Variants in TMOD1 observed in about 807,000 individuals in gnomAD.
The protein encoded by TMOD1 is tropomodulin 1.
TMOD1 carries 17 observed loss-of-function variants against 40.6 expected under a neutral mutation model. That is an observed-to-expected ratio of 0.42 (90% CI 0.29 to 0.63). The LOEUF (loss-of-function observed/expected upper bound fraction) is 0.63, where lower values mean the gene tolerates loss of function less well. TMOD1 is among the 20% of genes least tolerant of loss of function. The pLI is 0.22. For missense variants in TMOD1, 391 were observed against 447.6 expected, an observed-to-expected ratio of 0.87 and a Z score of 1.14; for synonymous variants, 181 against 175.0, an observed-to-expected ratio of 1.03 and a Z score of -0.27.
intron 5 of TMOD1, 24 bp downstream of exon 5, chr9:97,562,845 A>AG (rs781310155): frequency 1.3e-6 from 2 of 1,560,810 alleles, no homozygotes; most frequent in Non-Finnish European, 1.7e-6. Flanking sequence ...CGCCCCCAGG[A>AG]GGGACCTCAT....
chr9:97,531,045 C>CG (rs1168372435), intron 2 of TMOD1, among the ~76,000 whole-genome samples: 2 of 139,818 alleles, frequency 1.4e-5, no homozygotes, highest in East Asian at 4.2e-4. Context: ...CCACCCCCCC[C>CG]ACCACCCCTT....
Position 97,600,718 on chromosome 9 carries a change from G to A in TMOD1, c.*1020G>A. 1 of 1,005,732 alleles carries A rather than the reference G, an allele frequency of 9.9e-7. No homozygotes were observed. The highest frequency in any genetic ancestry group is 1.2e-6 in the Non-Finnish European group (1 of 842,202). 62.3% of individuals were successfully genotyped at this position (1,005,732 alleles called of 1,614,324 possible). A position where few individuals can be genotyped will look rare whatever the true frequency, so the allele number is the denominator to read the frequency against. On this transcript the variant is annotated 3_prime_UTR_variant, in exon 10 of 10. Coordinates refer to ENST00000259365, the MANE Select transcript of TMOD1 (RefSeq NM_003275.4). ...CCTCCGCAGGATGCCGGACAATGGT[G>A]AAGAAACTCCAGATATCAAGGAATT... is the stretch of plus-strand genomic sequence containing the variant.
intron 1 of TMOD1, among the ~76,000 whole-genome samples, chr9:97,518,279 G>T (rs974889468): frequency 3.4e-5 from 5 of 146,836 alleles, no homozygotes; most frequent in Non-Finnish European, 7.6e-5. Context: ...TAGACACTGC[G>T]AAGAAAAAAA....
Position 97,515,671 on chromosome 9 carries a change from C to T in TMOD1, c.-48-8470C>T, listed in dbSNP as rs78288193. On this transcript the variant is annotated intron_variant, in intron 1 of 9. Coordinates refer to ENST00000259365, the MANE Select transcript of TMOD1 (RefSeq NM_003275.4). ...GCACTGAACCCAGCAAATTACGTAG[C>T]CAGTCCTGCCTGGGTGCATCTTTCA... Among the ~76,000 whole-genome samples, 888 of 152,252 alleles carry T rather than the reference C, an allele frequency of 5.8e-3. 14 individuals are homozygous for T. The highest frequency in any genetic ancestry group is 0.021 in the African/African-American group (854 of 41,552).
At chr9:97,569,656 A>G (rs1056867862) in intron 8 of TMOD1, among the ~76,000 whole-genome samples, 1 of 152,202 alleles carries the variant, frequency 6.6e-6, no homozygotes, top group African/African-American at 2.4e-5. Flanking sequence ...AACATCTTAC[A>G]TGTTACATGT....
chr9:97,554,528 A>C (rs970703729), intron 4 of TMOD1, among the ~76,000 whole-genome samples: 3 of 149,458 alleles, frequency 2.0e-5, no homozygotes, highest in Admixed American at 2.0e-4. Flanking sequence ...TGGCCCTTGT[A>C]GAAGCCTTTG....
In TMOD1 at chr9:97,568,840, C is replaced by T. The variant is rs569590716; in HGVS notation, c.727-54C>T. ...TCTTAGGATCTACCCAGAGGGGCCT[C>T]CAGCCTTGCTCGGGGTGACTCATGG... On this transcript the variant is annotated intron_variant, in intron 7 of 9. Transcript: ENST00000259365. The T allele has an allele frequency of 3.9e-5, 62 of 1,604,656 alleles. No individual in the cohort carries two copies. The African/African-American group carries it at 5.5e-4, about 14-fold the overall frequency.
At chr9:97,545,231 TTCCTTGGGCAAA>T (rs1830342832) in intron 2 of TMOD1, among the ~76,000 whole-genome samples, 1 of 152,200 alleles carries the variant, frequency 6.6e-6, no homozygotes, top group African/African-American at 2.4e-5. Context: ...TGTCCTGAAA[TTCCTTGGGCAAA>T]TCTTTCCTTG....
chr9:97,544,997 C>T (rs1474370540), intron 2 of TMOD1, among the ~76,000 whole-genome samples: 8 of 137,270 alleles, frequency 5.8e-5, no homozygotes, highest in Admixed American at 3.1e-4. Flanking sequence ...TGCAACAGAG[C>T]GAGAGTCCAT....
chr9:97,569,768 G>A (rs2131270828), intron 8 of TMOD1, among the ~76,000 whole-genome samples: 1 of 152,100 alleles, frequency 6.6e-6, no homozygotes, highest in South Asian at 2.1e-4. Flanking sequence ...ATCAGTCTCA[G>A]TTTTCAGAAA....
At chr9:97,508,146 A>G (rs1230993774) in intron 1 of TMOD1, among the ~76,000 whole-genome samples, 3 of 151,244 alleles carry the variant, frequency 2.0e-5, no homozygotes, top group East Asian at 3.9e-4. Context: ...TCCAAGGTCT[A>G]CTAGTTACTG....
At chr9:97,579,235 T>C (rs1010861503) in intron 8 of TMOD1, among the ~76,000 whole-genome samples, 1 of 152,226 alleles carries the variant, frequency 6.6e-6, no homozygotes, top group Non-Finnish European at 1.5e-5. Flanking sequence ...TCCATTTGGA[T>C]GCTGGGCTGA....
At chr9:97,505,519 C>T (rs1829577624) in intron 1 of TMOD1, among the ~76,000 whole-genome samples, 2 of 152,168 alleles carry the variant, frequency 1.3e-5, no homozygotes, top group East Asian at 1.9e-4. Flanking sequence ...CTCTGGGCAT[C>T]CTTCAGCCTC....
At chr9:97,597,778 T>C (rs1826146533) in intron 9 of TMOD1, among the ~76,000 whole-genome samples, 1 of 147,938 alleles carries the variant, frequency 6.8e-6, no homozygotes, top group African/African-American at 2.5e-5. Flanking sequence ...GTGGACACAA[T>C]GAGGGCAAGT....
chr9:97,535,851 C>G (rs1198760270), intron 2 of TMOD1, among the ~76,000 whole-genome samples: 1 of 152,224 alleles, frequency 6.6e-6, no homozygotes, highest in East Asian at 1.9e-4. Context: ...GTTTCACCAG[C>G]CCTGCATCAA....
intron 4 of TMOD1, among the ~76,000 whole-genome samples, chr9:97,553,971 C>T (rs1454463629): frequency 1.3e-5 from 2 of 152,124 alleles, no homozygotes; most frequent in African/African-American, 4.8e-5. Context: ...GCCCTTTGCC[C>T]CACTCCCTGC....
rs77176644 is a variant in TMOD1, at chr9:97,519,199, C to G, written c.-48-4942C>G. On this transcript the variant is annotated intron_variant, in intron 1 of 9. Coordinates refer to ENST00000259365, the MANE Select transcript of TMOD1 (RefSeq NM_003275.4). Reference sequence around the variant, plus strand: ...AAAAGAGCCTTGTGTACTCCAGGAGCTGCTCCTTCTCAGAGCTTTCATTTC... The same window carrying G: ...AAAAGAGCCTTGTGTACTCCAGGAGGTGCTCCTTCTCAGAGCTTTCATTTC... Among the ~76,000 whole-genome samples, 325 of 152,332 alleles carry G rather than the reference C, an allele frequency of 2.1e-3. 8 individuals are homozygous for G. The East Asian group carries it at 0.049, about 23-fold the overall frequency.
Position 97,593,995 on chromosome 9 carries a change from A to T in TMOD1, c.1015+2560A>T, listed in dbSNP as rs1033628444. ...GGCAGGACAGTTGAAAGTATATGGG[A>T]TGTTCACAAGGAATGGGGCTGGGTA... On this transcript the variant is annotated intron_variant, in intron 9 of 9. Coordinates refer to ENST00000259365, the MANE Select transcript of TMOD1 (RefSeq NM_003275.4). Among the ~76,000 whole-genome samples the T allele has an allele frequency of 3.9e-5, 6 of 152,184 alleles. No individual in the cohort carries two copies. The East Asian group carries it at 9.7e-4, about 25-fold the overall frequency.
chr9:97,592,498 A>G (rs1359133972), intron 9 of TMOD1, among the ~76,000 whole-genome samples: 1 of 152,196 alleles, frequency 6.6e-6, no homozygotes, highest in Non-Finnish European at 1.5e-5. Flanking sequence ...AAAGGACAGC[A>G]TCTTCAGTGA....
Sources: gnomAD v4.1 joint callset for allele counts (sites outside exome capture counted in the v4.1 genomes callset) on GRCh38, gnomAD v4.1.1 for gene constraint, MANE v1.5 for transcripts, NCBI Gene and HGNC (gene_info 2026-07-23, HGNC 2026-07-21) for gene names.